Variants in BAZ2B observed in about 807,000 individuals in gnomAD.
BAZ2B encodes bromodomain adjacent to zinc finger domain protein 2B.
A neutral mutation model predicts 246.0 loss-of-function variants in BAZ2B; 91 were observed. The ratio of observed to expected loss-of-function variants is 0.37; its 90% confidence interval spans 0.31 to 0.44. BAZ2B has a LOEUF of 0.44. Ranked by LOEUF, BAZ2B falls within the 20% of genes least tolerant of loss-of-function variation. BAZ2B has a pLI of 1.00. For missense variants in BAZ2B, 2,332 were observed against 2,533.7 expected (o/e 0.92, Z 1.71); for synonymous variants, 855 against 860.0 (o/e 0.99, Z 0.10).
chr2:159,505,788 G>A (rs2082269836), intron 2 of BAZ2B, among the ~76,000 whole-genome samples: 1 of 152,124 alleles, frequency 6.6e-6, no homozygotes, highest in Admixed American at 6.6e-5. Context: ...AAAATAAAAG[G>A]AGAACAATTC....
chr2:159,442,356 A>G (rs541174267), intron 6 of BAZ2B, among the ~76,000 whole-genome samples: 2 of 152,250 alleles, frequency 1.3e-5, no homozygotes, highest in Admixed American at 1.3e-4. Flanking sequence ...AACCAGGGAG[A>G]CAGTGATAGG....
chr2:159,501,003 C>G (rs184270290), intron 2 of BAZ2B, among the ~76,000 whole-genome samples: 60 of 144,864 alleles, frequency 4.1e-4, no homozygotes, highest in African/African-American at 1.5e-3. Context: ...GGCACGATAG[C>G]TAATGCCTAT....
At position 159,349,703 on chromosome 2, in the gene BAZ2B, C is replaced by T. The variant is rs16843906; in HGVS notation, c.4863+5G>A. The stretch of plus-strand genomic sequence containing the variant: ...TAAAAATGAGTTACAGTTAGCAGTA[C>T]TAACCTGAAGAGGTGATAAAGCAAA... On this transcript the variant is annotated splice_donor_5th_base_variant and intron_variant, in intron 28 of 36. Coordinates refer to ENST00000392783, the MANE Select transcript of BAZ2B (RefSeq NM_013450.4). The T allele has an allele frequency of 0.017, 27,490 of 1,607,616 alleles. 509 individuals are homozygous for T. Among genetic ancestry groups the T allele is most frequent in the African/African-American group, 0.089 (6,631 of 74,756 alleles).
the BAZ2B span, among the ~76,000 whole-genome samples, chr2:159,676,590 G>C: frequency 6.6e-6 from 1 of 150,696 alleles, no homozygotes; most frequent in African/African-American, 2.4e-5. Context: ...TGAGGTGAGA[G>C]GACTGCCTGA....
the BAZ2B span, among the ~76,000 whole-genome samples, chr2:159,696,108 T>C: frequency 6.6e-6 from 1 of 152,200 alleles, no homozygotes; most frequent in Non-Finnish European, 1.5e-5. Flanking sequence ...GTTATAGGTA[T>C]TTTCACAAAT....
At chr2:159,485,730 C>T (rs1012619670) in intron 2 of BAZ2B, among the ~76,000 whole-genome samples, 1 of 152,080 alleles carries the variant, frequency 6.6e-6, no homozygotes, top group African/African-American at 2.4e-5. Context: ...AAAACACACA[C>T]AAAATTAATA....
chr2:159,489,076 G>A (rs910565613), intron 2 of BAZ2B, among the ~76,000 whole-genome samples: 6 of 152,170 alleles, frequency 3.9e-5, no homozygotes, highest in Admixed American at 2.6e-4. Context: ...TCTCATTTAC[G>A]CTTTTCCCCT....
the BAZ2B span, among the ~76,000 whole-genome samples, chr2:159,633,342 A>G: frequency 5.9e-5 from 9 of 152,222 alleles, no homozygotes; most frequent in African/African-American, 2.2e-4. Flanking sequence ...TATTCAAAAT[A>G]AAATGATTAC....
At chr2:159,372,949 T>C in intron 27 of BAZ2B, 96 bp downstream of exon 27, 3 of 1,369,416 alleles carry the variant, frequency 2.2e-6, no homozygotes, top group Non-Finnish European at 2.0e-6. Context: ...TTACCAAACA[T>C]TGATTATGGG....
At position 159,439,139 on chromosome 2, in the gene BAZ2B, C is replaced by T; in HGVS notation, c.770G>A (p.Ser257Asn). Residue 257 changes from serine to asparagine, a missense_variant, in exon 7 of 37, where the codon AGT (serine) becomes AAT (asparagine). Around this residue, in one of 9 missense-constraint regions of BAZ2B, gnomAD observed 161 missense variants for 225.8 expected, o/e 0.71. Coordinates refer to ENST00000392783, the MANE Select transcript of BAZ2B (RefSeq NM_013450.4). ...SDSGTSSDTS[S>N]EGISSSDSDD... Reference sequence around the variant, plus strand: ...TGAATCACTGCTACTAATGCCTTCACTTGAGGTGTCTGATGATGTGCCTGA... The same window carrying T: ...TGAATCACTGCTACTAATGCCTTCATTTGAGGTGTCTGATGATGTGCCTGA... 2 of 1,614,026 alleles carry T rather than the reference C, an allele frequency of 1.2e-6. No homozygotes were observed. The highest frequency in any genetic ancestry group is 2.2e-5 in the East Asian group (1 of 44,832).
the BAZ2B span, among the ~76,000 whole-genome samples, chr2:159,623,414 G>A: frequency 6.6e-6 from 1 of 152,006 alleles, no homozygotes; most frequent in East Asian, 1.9e-4. Flanking sequence ...AAAAAGAAAT[G>A]CCCAAGGGCA....
chr2:159,672,255 A>G, the BAZ2B span, among the ~76,000 whole-genome samples: 2 of 152,218 alleles, frequency 1.3e-5, no homozygotes, highest in East Asian at 1.9e-4. Context: ...AAAATGTTGA[A>G]GAGGAAGCGG....
chr2:159,462,032 T>C (rs185222581), intron 3 of BAZ2B: 43 of 188,412 alleles, frequency 2.3e-4, no homozygotes, highest in African/African-American at 9.1e-4. Context: ...CTTGGAAGGA[T>C]AGGGGTAGAA....
chr2:159,584,955 G>A (rs896136280), intron 1 of BAZ2B, among the ~76,000 whole-genome samples: 1 of 152,156 alleles, frequency 6.6e-6, no homozygotes, highest in Non-Finnish European at 1.5e-5. Context: ...TTTGCCTGCT[G>A]TCATGATTGG....
intron 3 of BAZ2B, chr2:159,460,154 A>C (rs2150577872): frequency 6.6e-6 from 1 of 152,192 alleles, no homozygotes; most frequent in South Asian, 2.1e-4. Context: ...ACTACATATA[A>C]AAGTGATTAA....
the BAZ2B span, among the ~76,000 whole-genome samples, chr2:159,646,897 A>G: frequency 6.6e-6 from 1 of 152,164 alleles, no homozygotes; most frequent in Non-Finnish European, 1.5e-5. Flanking sequence ...TTTAACATAC[A>G]TATTTCTACC....
At chr2:159,682,796 C>T in the BAZ2B span, among the ~76,000 whole-genome samples, 2 of 152,048 alleles carry the variant, frequency 1.3e-5, no homozygotes, top group Non-Finnish European at 1.5e-5. Flanking sequence ...CCTCTGTTTT[C>T]TTCTTGGCTG....
At chr2:159,675,550 TA>T in the BAZ2B span, among the ~76,000 whole-genome samples, 1 of 152,158 alleles carries the variant, frequency 6.6e-6, no homozygotes, top group Non-Finnish European at 1.5e-5. Context: ...GAAGAAATAC[TA>T]AAAAACGGAT....
chr2:159,377,217 C>T (rs887040218), intron 25 of BAZ2B, among the ~76,000 whole-genome samples: 15 of 152,118 alleles, frequency 9.9e-5, no homozygotes, highest in Non-Finnish European at 1.6e-4. Context: ...AAGGTAACTA[C>T]CAATACCCTA....
Sources: allele counts gnomAD v4.1 joint callset (sites outside exome capture counted in the v4.1 genomes callset), GRCh38; gene constraint gnomAD v4.1.1; regional missense constraint gnomAD v4.1.1; transcripts MANE v1.5; gene names NCBI Gene and HGNC (gene_info 2026-07-23, HGNC 2026-07-21).